The following HSD17B12 variants were observed in gnomAD, a reference collection of about 807,000 sequenced individuals.
HSD17B12 encodes very-long-chain 3-oxoacyl-CoA reductase.
HSD17B12 carries 32 observed loss-of-function variants against 39.3 expected under a neutral mutation model. The ratio of observed to expected loss-of-function variants is 0.81; its 90% CI spans 0.61 to 1.09. The LOEUF is 1.09. HSD17B12 is among the 50% of genes least tolerant of loss of function. HSD17B12 has a pLI of 0.00. For missense variants in HSD17B12, 342 were observed against 382.9 expected (o/e 0.89, Z 0.89); for synonymous variants, 150 against 146.7 (o/e 1.02, Z -0.16).
At chr11:43,707,169 A>G (rs1007312221) in intron 1 of HSD17B12, among the ~76,000 whole-genome samples, 3 of 152,244 alleles carry the variant, frequency 2.0e-5, no homozygotes, top group African/African-American at 7.2e-5. Flanking sequence ...ACGCTTTGCA[A>G]TGCCTAGGGG....
chr11:43,683,327 G>T (rs1223876967), intron 1 of HSD17B12, among the ~76,000 whole-genome samples: 2 of 152,084 alleles, frequency 1.3e-5, no homozygotes, highest in Non-Finnish European at 2.9e-5. Context: ...CACTGGAACA[G>T]CAGAGGATCA....
intron 1 of HSD17B12, among the ~76,000 whole-genome samples, chr11:43,695,344 C>T (rs1384739306): frequency 2.0e-5 from 3 of 151,918 alleles, no homozygotes; most frequent in South Asian, 2.1e-4. Flanking sequence ...TTTCGGAGGC[C>T]GAGGCAGGTG....
the HSD17B12 span, among the ~76,000 whole-genome samples, chr11:43,651,649 C>T: frequency 3.3e-5 from 5 of 152,168 alleles, no homozygotes; most frequent in African/African-American, 7.2e-5. Context: ...GGTGCAATCT[C>T]GGCTCCCTGC....
chr11:43,623,292 A>G, the HSD17B12 span, among the ~76,000 whole-genome samples: 1 of 152,110 alleles, frequency 6.6e-6, no homozygotes, highest in Non-Finnish European at 1.5e-5. Flanking sequence ...AAATCAGCTA[A>G]CATTTATTAG....
chr11:43,781,290 A>G (rs1481114075), intron 3 of HSD17B12, among the ~76,000 whole-genome samples: 1 of 152,350 alleles, frequency 6.6e-6, no homozygotes, highest in East Asian at 1.9e-4. Flanking sequence ...TGTTCTATGT[A>G]ATATTATGCA....
rs181731878 is a variant in HSD17B12 at position 43,722,773 on chromosome 11, C to T, written c.161-28138C>T. ...CTGAGGCAGGAGAATTGCTTGAACC[C>T]GGGAGGCAGAGGTTGCAGTGAGCCG... On this transcript the variant is annotated intron_variant, in intron 1 of 10. Transcript: ENST00000278353. 9.7e-3 allele frequency among the ~76,000 whole-genome samples: 1,472 copies of T among 151,806 alleles called. 9 individuals are homozygous for T. The highest frequency in any genetic ancestry group is 0.015 in the Non-Finnish European group (994 of 67,930).
intron 1 of HSD17B12, among the ~76,000 whole-genome samples, chr11:43,746,025 CAAA>C (rs994080734): frequency 4.6e-5 from 7 of 152,054 alleles, no homozygotes; most frequent in African/African-American, 7.2e-5. Context: ...AATAAACAAA[CAAA>C]AGATTAAAAA....
chr11:43,562,341 A>C, the HSD17B12 span, among the ~76,000 whole-genome samples: 1 of 152,262 alleles, frequency 6.6e-6, no homozygotes, highest in African/African-American at 2.4e-5. Flanking sequence ...TAGGCTTTGC[A>C]GCCAAGAAGG....
At chr11:43,556,935 G>A in the HSD17B12 span, 1 of 151,200 alleles carries the variant, frequency 6.6e-6, no homozygotes, top group African/African-American at 2.4e-5. Flanking sequence ...GAAAACATTT[G>A]CACAAAAAGT....
intron 1 of HSD17B12, among the ~76,000 whole-genome samples, chr11:43,716,755 A>G (rs1233322111): frequency 6.8e-6 from 1 of 147,942 alleles, no homozygotes; most frequent in East Asian, 1.9e-4. Context: ...ATATATATAT[A>G]TAAAATATAT....
the HSD17B12 span, among the ~76,000 whole-genome samples, chr11:43,656,838 G>A: frequency 3.0e-4 from 46 of 152,132 alleles, no homozygotes; most frequent in African/African-American, 1.1e-3. Flanking sequence ...GTCAATTTTG[G>A]AATAGGTGTG....
At position 43,855,145 on chromosome 11, in the gene HSD17B12, G is replaced by C; in HGVS notation, c.836G>C (p.Gly279Ala). The C allele has an allele frequency of 6.3e-7, 1 of 1,590,314 alleles. No individual in the cohort carries two copies. The highest frequency in any genetic ancestry group is 2.2e-5 in the East Asian group (1 of 44,578). The change falls in exon 11 of 11, where the codon GGC (glycine) becomes GCC (alanine). Residue 279 changes from glycine (G) to alanine (A), a missense_variant and splice_region_variant. Coordinates refer to ENST00000278353, the MANE Select transcript of HSD17B12 (RefSeq NM_016142.3). ...ATCTCTCTCATTCTGTTTCCCTAGGGCTCGATAATCTCAAACCTGCCTTCT... is the reference window on the plus strand; with the variant it reads ...ATCTCTCTCATTCTGTTTCCCTAGGCCTCGATAATCTCAAACCTGCCTTCT... ...TNGYLIHALM[G>A]SIISNLPSWI...
chr11:43,750,967 T>A lies in HSD17B12; in HGVS notation c.207+10T>A. 6.5e-7 allele frequency: 1 copy of A among 1,545,810 alleles called. No homozygotes were observed. Among genetic ancestry groups the A allele is most frequent in the South Asian group, 1.2e-5 (1 of 86,154 alleles). On this transcript the variant is annotated intron_variant, in intron 2 of 10. Coordinates refer to ENST00000278353, the MANE Select transcript of HSD17B12 (RefSeq NM_016142.3). Reference sequence around the variant, plus strand: ...ATCATATGCAGAAGAGGTAGGTGATTTTCAAGATCTTTCCTTTTAATATAA... The same window carrying A: ...ATCATATGCAGAAGAGGTAGGTGATATTCAAGATCTTTCCTTTTAATATAA...
the HSD17B12 span, among the ~76,000 whole-genome samples, chr11:43,580,066 T>TG: frequency 9.9e-3 from 1,186 of 119,968 alleles, 14 homozygotes; most frequent in African/African-American, 0.029. Context: ...TAGGTACTAA[T>TG]GGGGGGGGGG....
At chr11:43,704,532 T>A (rs1949996389) in intron 1 of HSD17B12, among the ~76,000 whole-genome samples, 1 of 152,158 alleles carries the variant, frequency 6.6e-6, no homozygotes, top group Non-Finnish European at 1.5e-5. Context: ...CAGATACAGT[T>A]GGTTGCTTGT....
At chr11:43,705,552 C>CTTTGTGCATATTTCTTTCTAATTACG (rs1565055939) in intron 1 of HSD17B12, among the ~76,000 whole-genome samples, 2 of 152,034 alleles carry the variant, frequency 1.3e-5, no homozygotes, top group Non-Finnish European at 2.9e-5. Context: ...CGTTACTGTC[C>CTTTGTGCATATTTCTTTCTAATTACG]TTTGTGCATA....
the HSD17B12 span, among the ~76,000 whole-genome samples, chr11:43,583,390 A>C: frequency 6.6e-6 from 1 of 152,132 alleles, no homozygotes; most frequent in Non-Finnish European, 1.5e-5. Context: ...GCTGCCTTGG[A>C]GAAGCTCCTG....
At chr11:43,826,047 A>G (rs1171804175) in intron 6 of HSD17B12, among the ~76,000 whole-genome samples, 1 of 151,112 alleles carries the variant, frequency 6.6e-6, no homozygotes, top group Non-Finnish European at 1.5e-5. Context: ...ACTTATAAAA[A>G]CTGTGTATGA....
At chr11:43,698,367 C>A (rs111333799) in intron 1 of HSD17B12, among the ~76,000 whole-genome samples, 2 of 152,142 alleles carry the variant, frequency 1.3e-5, no homozygotes. Context: ...TTAAGTTGTT[C>A]TAAATTAGAT....
Sources: gnomAD v4.1 joint callset for allele counts (sites outside exome capture counted in the v4.1 genomes callset) on GRCh38, gnomAD v4.1.1 for gene constraint, MANE v1.5 for transcripts, NCBI Gene and HGNC (gene_info 2026-07-23, HGNC 2026-07-21) for gene names.